The following MPP7 variants were observed in gnomAD, a reference collection of about 807,000 sequenced individuals.
MPP7 encodes the protein MAGUK p55 scaffold protein 7.
A neutral mutation model predicts 76.5 loss-of-function variants in MPP7; 60 were observed. The ratio of observed to expected loss-of-function variants is 0.78; its 90% confidence interval spans 0.64 to 0.97. The LOEUF is 0.97. Ranked by LOEUF, MPP7 falls within the 50% of genes least tolerant of loss-of-function variation. MPP7 has a pLI of 0.00. For synonymous variants in MPP7, 237 were observed against 244.5 expected (o/e 0.97, Z 0.29); for missense variants, 641 against 694.0 (o/e 0.92, Z 0.86).
intron 12 of MPP7, among the ~76,000 whole-genome samples, chr10:28,082,386 T>C (rs1281443246): frequency 6.6e-6 from 1 of 151,736 alleles, no homozygotes; most frequent in African/African-American, 2.4e-5. Context: ...TCCTCTTCCT[T>C]CTTCTTCCCC....
intron 2 of MPP7, among the ~76,000 whole-genome samples, chr10:28,314,972 A>G (rs903566792): frequency 4.6e-5 from 7 of 152,180 alleles, no homozygotes; most frequent in African/African-American, 1.4e-4. Context: ...ACATAGCAAG[A>G]CCCAATATCT....
rs1214484876 is a variant in MPP7, at chr10:28,262,206, TAC to T, written c.-131-23473_-131-23472del. Among the ~76,000 whole-genome samples the T allele has an allele frequency of 5.6e-3, 47 of 8,434 alleles. 7 individuals carry two copies. The highest frequency in any genetic ancestry group is 7.6e-3 in the African/African-American group (32 of 4,200). 5.5% of individuals were successfully genotyped at this position (8,434 alleles called of 152,430 possible). On this transcript the variant is annotated intron_variant, in intron 1 of 16. Coordinates refer to ENST00000683449, the MANE Select transcript of MPP7 (RefSeq NM_001318170.2). Reference sequence around the variant, plus strand: ...TAAATTATATATATATATATATATATACATATATATATATATATACATATATA... The same window carrying T: ...TAAATTATATATATATATATATATATATATATATATATATATACATATATA...
chr10:28,099,498 G>A (rs536773223), intron 11 of MPP7, among the ~76,000 whole-genome samples: 4 of 152,304 alleles, frequency 2.6e-5, no homozygotes, highest in Admixed American at 6.5e-5. Context: ...TAGAGAAGGA[G>A]CCACTCTAAA....
intron 3 of MPP7, among the ~76,000 whole-genome samples, chr10:28,192,695 C>T (rs1157545961): frequency 1.3e-5 from 2 of 152,160 alleles, no homozygotes; most frequent in African/African-American, 2.4e-5. Flanking sequence ...GATGTCATCT[C>T]TTCACAAATG....
chr10:28,085,515 A>C (rs1193947432), intron 12 of MPP7, among the ~76,000 whole-genome samples: 1 of 152,342 alleles, frequency 6.6e-6, no homozygotes, highest in South Asian at 2.1e-4. Context: ...AAACCTAAGA[A>C]GTTCAAACAG....
intron 2 of MPP7, among the ~76,000 whole-genome samples, chr10:28,321,189 A>C (rs1383109372): frequency 6.6e-6 from 1 of 152,218 alleles, no homozygotes; most frequent in East Asian, 1.9e-4. Context: ...AAAAAATAGA[A>C]ATTAGGATAT....
At chr10:28,057,413 C>A (rs954981184) in intron 15 of MPP7, among the ~76,000 whole-genome samples, 7 of 152,062 alleles carry the variant, frequency 4.6e-5, no homozygotes, top group African/African-American at 1.4e-4. Context: ...TCTCGTGAGA[C>A]CCTGTTGTTT....
chr10:28,270,143 G>A (rs749399974), intron 1 of MPP7, among the ~76,000 whole-genome samples: 8 of 152,196 alleles, frequency 5.3e-5, no homozygotes, highest in Non-Finnish European at 1.2e-4. Flanking sequence ...CGTTAAAAGA[G>A]TGACAAGCTT....
intron 3 of MPP7, among the ~76,000 whole-genome samples, chr10:28,152,542 G>A (rs540722425): frequency 6.6e-6 from 1 of 152,298 alleles, no homozygotes; most frequent in African/African-American, 2.4e-5. Flanking sequence ...GCCTGTGATG[G>A]TGAAAATGTT....
chr10:28,285,367 T>C (rs1240544746), intron 1 of MPP7, among the ~76,000 whole-genome samples: 3 of 152,158 alleles, frequency 2.0e-5, no homozygotes, highest in African/African-American at 7.2e-5. Flanking sequence ...GTATTTTTAG[T>C]AGAGACGGGG....
chr10:28,281,072 CTTCTTTTTTTTTCT>C (rs1465080082), intron 1 of MPP7, among the ~76,000 whole-genome samples: 1 of 123,696 alleles, frequency 8.1e-6, no homozygotes, highest in East Asian at 2.6e-4. Context: ...ATGGTCATTT[CTTCTTTTTTTTTCT>C]TTCTTTTTTT....
intron 5 of MPP7, among the ~76,000 whole-genome samples, chr10:28,139,158 G>T (rs1835435747): frequency 1.3e-5 from 2 of 152,214 alleles, no homozygotes; most frequent in South Asian, 4.1e-4. Flanking sequence ...AGCAAAGGCA[G>T]CCCCTGAGCT....
chr10:28,331,237 T>A (rs938740462), intron 1 of MPP7, among the ~76,000 whole-genome samples: 1 of 152,198 alleles, frequency 6.6e-6, no homozygotes, highest in African/African-American at 2.4e-5. Context: ...CAGTGGCTAC[T>A]CATTGAGTGG....
Position 28,165,894 on chromosome 10 carries a change from G to A in MPP7, c.157-15835C>T, listed in dbSNP as rs542988106. On this transcript the variant is annotated intron_variant, in intron 3 of 16. Transcript: ENST00000683449. ...GCAAAAATTAGCTGGGCGTGGTGGC[G>A]CATGCCTGTAGTCTCAGCTACTTGG... Among the ~76,000 whole-genome samples, 232 of 152,018 alleles carry A rather than the reference G, an allele frequency of 1.5e-3. 1 individual carries two copies. Among genetic ancestry groups the A allele is most frequent in the South Asian group, 0.011 (55 of 4,800 alleles).
chr10:28,293,522 T>TC (rs1223330276), intron 1 of MPP7, among the ~76,000 whole-genome samples: 3 of 151,904 alleles, frequency 2.0e-5, no homozygotes, highest in Non-Finnish European at 2.9e-5. Context: ...AGAGAGAGGG[T>TC]CCCCTGGGGG....
At chr10:28,267,748 A>G (rs1840191306) in intron 1 of MPP7, among the ~76,000 whole-genome samples, 1 of 152,164 alleles carries the variant, frequency 6.6e-6, no homozygotes, top group South Asian at 2.1e-4. Context: ...ATTTGAAAGA[A>G]TAACGAGCCA....
intron 5 of MPP7, among the ~76,000 whole-genome samples, chr10:28,134,470 T>C (rs1335161895): frequency 1.3e-5 from 2 of 152,236 alleles, no homozygotes; most frequent in African/African-American, 4.8e-5. Context: ...CCTTTCACTC[T>C]CCTTCTTGGT....
intron 1 of MPP7, among the ~76,000 whole-genome samples, chr10:28,274,093 A>ATTTT (rs1167817342): frequency 1.4e-5 from 2 of 143,100 alleles, no homozygotes; most frequent in African/African-American, 5.4e-5. Flanking sequence ...GTAAAATAAA[A>ATTTT]TTTTTTTCTT....
intron 3 of MPP7, among the ~76,000 whole-genome samples, chr10:28,155,407 T>G (rs1836019343): frequency 6.6e-6 from 1 of 151,878 alleles, no homozygotes; most frequent in South Asian, 2.1e-4. Flanking sequence ...CTGGGTAACA[T>G]GGTGAAACCC....
Sources: allele counts gnomAD v4.1 joint callset (sites outside exome capture counted in the v4.1 genomes callset), GRCh38; gene constraint gnomAD v4.1.1; transcripts MANE v1.5; gene names NCBI Gene and HGNC (gene_info 2026-07-23, HGNC 2026-07-21).